GSE1: variants seen among roughly 807,000 people sequenced by gnomAD.
GSE1 encodes the protein Gse1 coiled-coil protein.
In GSE1, 32 loss-of-function variants were observed where a neutral mutation model predicts 112.6. The ratio of observed to expected loss-of-function variants is 0.28; its 90% confidence interval spans 0.21 to 0.38. The LOEUF (loss-of-function observed/expected upper bound fraction) is 0.38, where lower values mean the gene tolerates loss of function less well. Among genes scored for constraint, GSE1 ranks in the 10% least tolerant of loss-of-function variants. GSE1 has a pLI of 1.00. For synonymous variants in GSE1, 1,115 were observed against 735.6 expected (o/e 1.52, Z -8.35); for missense variants, 2,348 against 1,699.2 (o/e 1.38, Z -6.71).
At chr16:85,318,481 T>A (rs1215763791) in intron 1 of GSE1, among the ~76,000 whole-genome samples, 1 of 152,130 alleles carries the variant, frequency 6.6e-6, no homozygotes, top group Non-Finnish European at 1.5e-5. Context: ...CCCAGGCTGG[T>A]CTCAAACTCC....
chr16:85,657,634 T>C, intron 8 of GSE1, 30 bp downstream of exon 8: 5 of 1,431,040 alleles, frequency 3.5e-6, no homozygotes, highest in African/African-American at 1.4e-5. Flanking sequence ...GAAGGAGGGA[T>C]GAGCCTTCAC....
intron 2 of GSE1, among the ~76,000 whole-genome samples, chr16:85,478,322 T>C (rs922534688): frequency 6.6e-6 from 1 of 151,244 alleles, no homozygotes; most frequent in African/African-American, 2.4e-5. Flanking sequence ...AGACCAGGAG[T>C]TCAAGACCAG....
chr16:85,423,835 G>T (rs553348121), intron 2 of GSE1, among the ~76,000 whole-genome samples: 3 of 152,324 alleles, frequency 2.0e-5, no homozygotes, highest in African/African-American at 7.2e-5. Context: ...GGCCTCTGCC[G>T]CTCACAGGCA....
chr16:85,280,923 T>C (rs374580834), intron 1 of GSE1, among the ~76,000 whole-genome samples: 1 of 152,132 alleles, frequency 6.6e-6, no homozygotes, highest in African/African-American at 2.4e-5. Flanking sequence ...TCGGGCTGAA[T>C]TGGAACCAGG....
intron 1 of GSE1, among the ~76,000 whole-genome samples, chr16:85,204,253 T>G (rs1426545422): frequency 6.6e-6 from 1 of 152,238 alleles, no homozygotes; most frequent in Non-Finnish European, 1.5e-5. Context: ...TCTCTCACTT[T>G]GCAAAATGTC....
chr16:85,627,639 AAG>A (rs904427083), intron 1 of GSE1, among the ~76,000 whole-genome samples: 5 of 151,968 alleles, frequency 3.3e-5, no homozygotes, highest in African/African-American at 9.7e-5. Flanking sequence ...TGCACATGTC[AAG>A]AGAGCTTGTA....
At chr16:85,272,007 C>T (rs1908884683) in intron 1 of GSE1, among the ~76,000 whole-genome samples, 1 of 152,212 alleles carries the variant, frequency 6.6e-6, no homozygotes, top group Non-Finnish European at 1.5e-5. Flanking sequence ...CTGTGTCACC[C>T]CTTCCCTCTG....
At chr16:85,384,043 T>C (rs755615822) in intron 2 of GSE1, among the ~76,000 whole-genome samples, 18 of 152,150 alleles carry the variant, frequency 1.2e-4, no homozygotes, top group Non-Finnish European at 1.8e-4. Flanking sequence ...CACATCCACA[T>C]GGGCAGAGCC....
At chr16:85,515,630 A>T (rs1323813003) in intron 2 of GSE1, among the ~76,000 whole-genome samples, 1 of 146,370 alleles carries the variant, frequency 6.8e-6, no homozygotes, top group Middle Eastern at 3.4e-3. Context: ...AGATCGCCTG[A>T]ACAGGTCGGG....
At chr16:85,573,237 C>T (rs1331335754) in intron 1 of GSE1, among the ~76,000 whole-genome samples, 1 of 152,090 alleles carries the variant, frequency 6.6e-6, no homozygotes, top group African/African-American at 2.4e-5. Flanking sequence ...GGACTCAAGC[C>T]ATGTTCACTT....
Position 85,673,378 on chromosome 16 carries a change from A to G in GSE1, c.*839A>G, listed in dbSNP as rs1317864842. 3 of 148,986 alleles carry G rather than the reference A, an allele frequency of 2.0e-5. No individual in the cohort carries two copies. Among genetic ancestry groups the G allele is most frequent in the African/African-American group, 5.1e-5 (2 of 39,458 alleles). The allele number at this position is 148,986 out of a possible 1,614,324, so 9.2% of individuals were successfully genotyped here. ...TTTGTATGTTTTTATTACTTTAACT[A>G]TTGTTATAAAAAGCCTGCCATTTTT... On this transcript the variant is annotated 3_prime_UTR_variant, in exon 16 of 16. Transcript: ENST00000253458.
At chr16:85,420,750 A>C (rs2151737658) in intron 2 of GSE1, among the ~76,000 whole-genome samples, 1 of 152,240 alleles carries the variant, frequency 6.6e-6, no homozygotes, top group African/African-American at 2.4e-5. Flanking sequence ...TTGGGGAGCC[A>C]AGGGCAGGTG....
intron 1 of GSE1, among the ~76,000 whole-genome samples, chr16:85,280,484 C>T (rs1567659397): frequency 6.6e-6 from 1 of 152,204 alleles, no homozygotes; most frequent in African/African-American, 2.4e-5. Context: ...CAACCTCCAC[C>T]TCCTGGGTTT....
At chr16:85,251,699 C>T (rs966728996) in intron 1 of GSE1, among the ~76,000 whole-genome samples, 2 of 152,240 alleles carry the variant, frequency 1.3e-5, no homozygotes, top group East Asian at 1.9e-4. Flanking sequence ...GCCTCTGCTG[C>T]GGGGTACAGG....
At chr16:85,237,948 C>G (rs189827058) in intron 1 of GSE1, among the ~76,000 whole-genome samples, 20 of 152,148 alleles carry the variant, frequency 1.3e-4, no homozygotes, top group African/African-American at 4.3e-4. Flanking sequence ...CCTGGGACAT[C>G]GTAGGAGTTT....
chr16:85,577,372 A>C (rs1322487884), intron 1 of GSE1, among the ~76,000 whole-genome samples: 1 of 152,140 alleles, frequency 6.6e-6, no homozygotes, highest in African/African-American at 2.4e-5. Flanking sequence ...CTGTCCCTGC[A>C]AGGGTGGTGG....
intron 1 of GSE1, among the ~76,000 whole-genome samples, chr16:85,601,454 G>C (rs946917909): frequency 6.6e-6 from 1 of 152,132 alleles, no homozygotes; most frequent in Non-Finnish European, 1.5e-5. Flanking sequence ...AGACAGGCCA[G>C]AGGAAGGCCA....
chr16:85,567,534 G>A (rs555416333), intron 1 of GSE1, among the ~76,000 whole-genome samples: 3 of 152,228 alleles, frequency 2.0e-5, no homozygotes, highest in Admixed American at 1.3e-4. Context: ...TGGCCCCTCA[G>A]TGTGGCATGA....
chr16:85,504,980 A>G (rs745500833), intron 2 of GSE1, among the ~76,000 whole-genome samples: 1 of 151,440 alleles, frequency 6.6e-6, no homozygotes, highest in Non-Finnish European at 1.5e-5. Flanking sequence ...TCTGTTCCCA[A>G]CCATTCTCCT....
Sources: allele counts gnomAD v4.1 joint callset (sites outside exome capture counted in the v4.1 genomes callset), GRCh38; gene constraint gnomAD v4.1.1; transcripts MANE v1.5; gene names NCBI Gene and HGNC (gene_info 2026-07-23, HGNC 2026-07-21).